Variants in BBS9 observed in about 807,000 individuals in gnomAD.
The protein encoded by BBS9 is protein PTHB1.
A neutral mutation model predicts 117.7 loss-of-function variants in BBS9; 89 were observed. The observed-to-expected ratio is 0.76, with a 90% CI of 0.64 to 0.90. The LOEUF is 0.90. Among genes scored for constraint, BBS9 ranks in the 40% least tolerant of loss-of-function variants. The pLI, the probability that BBS9 is intolerant of heterozygous loss-of-function variation, is 0.00. For missense variants in BBS9, 982 were observed against 1,042.2 expected (o/e 0.94, Z 0.80); for synonymous variants, 379 against 370.9 (o/e 1.02, Z -0.25).
intron 19 of BBS9, among the ~76,000 whole-genome samples, chr7:33,426,342 C>G (rs928128412): frequency 6.6e-6 from 1 of 152,146 alleles, no homozygotes; most frequent in Non-Finnish European, 1.5e-5. Flanking sequence ...TTCTGTTGTA[C>G]AGAGGGACTC....
intron 21 of BBS9, among the ~76,000 whole-genome samples, chr7:33,570,811 A>T (rs528034494): frequency 6.6e-6 from 1 of 152,296 alleles, no homozygotes; most frequent in East Asian, 1.9e-4. Context: ...CAATCTAATT[A>T]TGATGAAGCA....
rs1024768996 is a variant in BBS9, at chr7:33,551,539, T to C, written c.2521+17363T>C. Among the ~76,000 whole-genome samples the C allele has an allele frequency of 7.2e-5, 11 of 152,278 alleles. 1 individual carries two copies. The highest frequency in any genetic ancestry group is 2.4e-4 in the African/African-American group (10 of 41,560). On this transcript the variant is annotated intron_variant, in intron 21 of 22. Transcript: ENST00000242067. ...TTGTACACTTTGTACATTATTTCCA[T>C]TGAAAAACACAACATATACCAGCCA...
intron 20 of BBS9, among the ~76,000 whole-genome samples, chr7:33,531,775 A>G (rs1273804604): frequency 3.3e-5 from 5 of 152,198 alleles, no homozygotes; most frequent in Non-Finnish European, 7.3e-5. Context: ...TCTGTTGGTT[A>G]CACATGTCCC....
chr7:33,491,757 A>T (rs1394162934), intron 19 of BBS9, among the ~76,000 whole-genome samples: 1 of 152,250 alleles, frequency 6.6e-6, no homozygotes, highest in Non-Finnish European at 1.5e-5. Context: ...ACTTTGGTAA[A>T]TAATGTAAGT....
At chr7:33,423,404 G>A (rs1833164920) in intron 19 of BBS9, among the ~76,000 whole-genome samples, 1 of 152,018 alleles carries the variant, frequency 6.6e-6, no homozygotes, top group Non-Finnish European at 1.5e-5. Context: ...GGGTGTGTGT[G>A]TGTGTGTGTG....
intron 5 of BBS9, among the ~76,000 whole-genome samples, chr7:33,234,632 A>T (rs1793127839): frequency 6.6e-6 from 1 of 151,972 alleles, no homozygotes; most frequent in African/African-American, 2.4e-5. Flanking sequence ...TCTATTTATC[A>T]TCTATCATAT....
intron 19 of BBS9, among the ~76,000 whole-genome samples, chr7:33,454,678 A>G (rs17725673): frequency 0.2 from 30,925 of 152,198 alleles, 4,067 homozygotes; most frequent in Admixed American, 0.37. Flanking sequence ...TGGCTACTGC[A>G]CTGTTAGGTA....
chr7:33,441,894 T>G (rs1836254740), intron 19 of BBS9, among the ~76,000 whole-genome samples: 1 of 149,416 alleles, frequency 6.7e-6, no homozygotes. Flanking sequence ...CATATACTTT[T>G]TTTTTTTTTT....
At chr7:33,273,784 G>T in intron 8 of BBS9, 43 bp from the exon 9 acceptor site, 1 of 1,578,136 alleles carries the variant, frequency 6.3e-7, no homozygotes, top group South Asian at 1.1e-5. Flanking sequence ...TTTTCCAAAT[G>T]ACTGTTTTCT....
chr7:33,322,931 C>T (rs1008319878), intron 9 of BBS9, among the ~76,000 whole-genome samples: 1 of 152,068 alleles, frequency 6.6e-6, no homozygotes, highest in Non-Finnish European at 1.5e-5. Flanking sequence ...TGGAATATTA[C>T]ATTTCCATTA....
intron 19 of BBS9, among the ~76,000 whole-genome samples, chr7:33,403,570 GT>G (rs1173235912): frequency 2.0e-5 from 3 of 147,694 alleles, no homozygotes; most frequent in Non-Finnish European, 4.5e-5. Context: ...GTGGTGTTTG[GT>G]TTTTTGTCCT....
chr7:33,591,999 A>G (rs965803270), intron 21 of BBS9, among the ~76,000 whole-genome samples: 3 of 152,030 alleles, frequency 2.0e-5, no homozygotes, highest in Non-Finnish European at 4.4e-5. Context: ...CAGTATTTTC[A>G]TGTGAATTAC....
At chr7:33,287,445 A>G (rs1180401522) in intron 9 of BBS9, among the ~76,000 whole-genome samples, 2 of 152,240 alleles carry the variant, frequency 1.3e-5, no homozygotes, top group Non-Finnish European at 2.9e-5. Flanking sequence ...GAAAAGTAAA[A>G]TAGATGAATA....
chr7:33,293,342 A>G (rs1301194195), intron 9 of BBS9, among the ~76,000 whole-genome samples: 4 of 151,922 alleles, frequency 2.6e-5, no homozygotes, highest in Admixed American at 2.6e-4. Context: ...TTTGGGAAGA[A>G]CTTCAGAATT....
intron 21 of BBS9, among the ~76,000 whole-genome samples, chr7:33,569,025 C>G (rs1055534288): frequency 6.6e-6 from 1 of 152,078 alleles, no homozygotes; most frequent in African/African-American, 2.4e-5. Flanking sequence ...TGCATACTCC[C>G]TCTCTATAAA....
At chr7:33,252,943 A>G (rs1368623413) in intron 5 of BBS9, among the ~76,000 whole-genome samples, 1 of 152,164 alleles carries the variant, frequency 6.6e-6, no homozygotes, top group Non-Finnish European at 1.5e-5. Flanking sequence ...AGTTGTAAAT[A>G]TATATGTATT....
intron 20 of BBS9, 134 bp downstream of exon 20, chr7:33,505,779 T>C (rs1846071005): frequency 1.0e-6 from 1 of 958,094 alleles, no homozygotes; most frequent in African/African-American, 1.6e-5. Flanking sequence ...GCTGCTTTCC[T>C]TGTCTTTAAA....
chr7:33,173,767 G>A (rs998819738), intron 4 of BBS9, among the ~76,000 whole-genome samples: 2 of 151,956 alleles, frequency 1.3e-5, no homozygotes, highest in Admixed American at 6.6e-5. Flanking sequence ...TGCTTCTGGG[G>A]CCTAATACTT....
chr7:33,357,782 A>G (rs748691702), intron 15 of BBS9, 73 bp from the exon 16 acceptor site: 9 of 1,480,898 alleles, frequency 6.1e-6, no homozygotes, highest in African/African-American at 4.2e-5. Context: ...TGCTCAAACT[A>G]TTAGTAGTAC....
Sources: allele counts gnomAD v4.1 joint callset (sites outside exome capture counted in the v4.1 genomes callset), GRCh38; gene constraint gnomAD v4.1.1; transcripts MANE v1.5; gene names NCBI Gene and HGNC (gene_info 2026-07-23, HGNC 2026-07-21).